Variants in TMPRSS15 observed in about 807,000 individuals in gnomAD.
TMPRSS15 encodes transmembrane serine protease 15.
Under a neutral mutation model 125.3 loss-of-function variants are expected in TMPRSS15, and 128 were observed. The ratio of observed to expected loss-of-function variants is 1.02; its 90% confidence interval spans 0.89 to 1.18. The LOEUF (loss-of-function observed/expected upper bound fraction) is 1.18, where lower values mean the gene tolerates loss of function less well. TMPRSS15 is among the 50% of genes most tolerant of loss of function. The probability of loss-of-function intolerance (pLI) is 0.00; values close to 1 mark genes in which losing one functional copy is unlikely to be tolerated. For missense variants in TMPRSS15, 1,283 were observed against 1,212.7 expected, an observed-to-expected ratio of 1.06 and a Z score of -0.86; for synonymous variants, 446 against 423.2, an observed-to-expected ratio of 1.05 and a Z score of -0.66.
chr21:18,386,872 A>G (rs1456020628), intron 3 of TMPRSS15, among the ~76,000 whole-genome samples: 1 of 152,230 alleles, frequency 6.6e-6, no homozygotes, highest in Admixed American at 6.5e-5. Flanking sequence ...AAAAGAGGTA[A>G]GGTATTTTGG....
intron 21 of TMPRSS15, among the ~76,000 whole-genome samples, chr21:18,290,552 T>TC (rs2074821543): frequency 6.6e-6 from 1 of 151,054 alleles, no homozygotes; most frequent in African/African-American, 2.4e-5. Context: ...TGACCTGTAT[T>TC]CAAAAATATT....
At chr21:18,389,137 G>A (rs193234275) in intron 3 of TMPRSS15, among the ~76,000 whole-genome samples, 2 of 149,404 alleles carry the variant, frequency 1.3e-5, no homozygotes, top group African/African-American at 4.9e-5. Flanking sequence ...AAGATGGAAG[G>A]AAGGAAAGAA....
chr21:18,375,965 T>C (rs2075837636), intron 5 of TMPRSS15, among the ~76,000 whole-genome samples: 1 of 152,136 alleles, frequency 6.6e-6, no homozygotes, highest in East Asian at 1.9e-4. Flanking sequence ...GAAACCATGG[T>C]TTGGAAATCA....
At chr21:18,358,394 A>G (rs1266740213) in intron 8 of TMPRSS15, among the ~76,000 whole-genome samples, 1 of 151,930 alleles carries the variant, frequency 6.6e-6, no homozygotes, top group African/African-American at 2.4e-5. Flanking sequence ...AAGTTTATTA[A>G]TGTCACATTA....
chr21:18,363,689 T>C (rs938567229), intron 7 of TMPRSS15, among the ~76,000 whole-genome samples: 4 of 152,260 alleles, frequency 2.6e-5, no homozygotes, highest in African/African-American at 9.6e-5. Flanking sequence ...CATTTATAAA[T>C]GCTTCTTTTA....
At chr21:18,471,414 T>A (rs1019893432) in intron 1 of TMPRSS15, among the ~76,000 whole-genome samples, 1 of 152,002 alleles carries the variant, frequency 6.6e-6, no homozygotes, top group Non-Finnish European at 1.5e-5. Context: ...ATGGTCTAAA[T>A]CTGTAACTAT....
At chr21:18,361,585 C>T (rs1447473519) in intron 7 of TMPRSS15, among the ~76,000 whole-genome samples, 4 of 152,040 alleles carry the variant, frequency 2.6e-5, no homozygotes, top group Non-Finnish European at 4.4e-5. Flanking sequence ...GTAATGTGGC[C>T]AATAAGGCAA....
intron 7 of TMPRSS15, among the ~76,000 whole-genome samples, chr21:18,361,892 AAC>A (rs1395356555): frequency 6.6e-6 from 1 of 152,064 alleles, no homozygotes; most frequent in African/African-American, 2.4e-5. Flanking sequence ...TTAAAAAAAA[AAC>A]AAACCCAAAG....
chr21:18,353,536 C>T (rs2075593511), intron 9 of TMPRSS15, among the ~76,000 whole-genome samples, 187 bp downstream of exon 9: 1 of 151,490 alleles, frequency 6.6e-6, no homozygotes, highest in South Asian at 2.1e-4. Context: ...TATTTGATTC[C>T]TTTGAAAAAT....
At chr21:18,358,685 TTATGGTAATTTAA>T (rs1160037455) in intron 8 of TMPRSS15, among the ~76,000 whole-genome samples, 3 of 152,002 alleles carry the variant, frequency 2.0e-5, no homozygotes, top group Admixed American at 2.0e-4. Context: ...CACTGTGAAC[TTATGGTAATTTAA>T]TATATTATAC....
intron 15 of TMPRSS15, among the ~76,000 whole-genome samples, chr21:18,326,928 C>G (rs1324322536): frequency 6.6e-6 from 1 of 152,098 alleles, no homozygotes; most frequent in African/African-American, 2.4e-5. Flanking sequence ...TTTATAGTCA[C>G]CTTTACTAAA....
intron 1 of TMPRSS15, among the ~76,000 whole-genome samples, chr21:18,452,852 G>A (rs983892741): frequency 1.1e-4 from 17 of 152,120 alleles, no homozygotes; most frequent in Non-Finnish European, 1.8e-4. Context: ...TTGGACGAAG[G>A]TAAATATCTG....
chr21:18,332,116 T>G lies in TMPRSS15; in HGVS notation c.1622A>C (p.Asn541Thr). The change falls in exon 14 of 25, where the codon AAC becomes ACC. Residue 541 changes from asparagine (N) to threonine (T), a missense_variant. By Grantham distance (65) the Asn-to-Thr change is moderately conservative. Transcript: ENST00000284885. ...CAGATTAGGGTAGCTGTTTGGAAAG[T>G]TCGTAGAACTGAATGTTGTATTTGG... ...WEPNTTFSST[N>T]FPNSYPNLAF... 1 of 1,614,076 alleles carries G rather than the reference T, an allele frequency of 6.2e-7. No homozygotes were observed. The highest frequency in any genetic ancestry group is 8.5e-7 in the Non-Finnish European group (1 of 1,179,962).
intron 1 of TMPRSS15, among the ~76,000 whole-genome samples, chr21:18,401,734 A>G (rs1190317837): frequency 3.3e-5 from 5 of 152,212 alleles, no homozygotes; most frequent in Non-Finnish European, 7.3e-5. Context: ...ATCTAAAATA[A>G]TAGTTTAAAA....
intron 3 of TMPRSS15, among the ~76,000 whole-genome samples, chr21:18,389,228 G>A (rs2075971291): frequency 6.6e-6 from 1 of 151,302 alleles, no homozygotes; most frequent in Non-Finnish European, 1.5e-5. Context: ...AAAGGAGGGA[G>A]GGAGGCAGGG....
chr21:18,393,622 C>T (rs989725515), intron 3 of TMPRSS15, among the ~76,000 whole-genome samples: 3 of 152,102 alleles, frequency 2.0e-5, no homozygotes, highest in African/African-American at 7.2e-5. Context: ...TATATACAAC[C>T]TGACATGTAA....
chr21:18,343,649 T>C lies in TMPRSS15; in HGVS notation c.1285A>G (p.Met429Val), dbSNP rs2075474243. 1.9e-6 allele frequency: 3 copies of C among 1,613,434 alleles called. No homozygotes were observed. Among genetic ancestry groups the C allele is most frequent in the South Asian group, 1.1e-5 (1 of 91,064 alleles). ...EPACLSFWYHMYGENVHKLSI... is the reference protein window; with the variant it reads ...EPACLSFWYHVYGENVHKLSI... ...AATTTATGGACATTTTCACCATACA[T>C]ATGATACCTAGTTTGGAAAGAAGCA... The change falls in exon 12 of 25, where the codon ATG becomes GTG. Residue 429 changes from methionine to valine, a missense_variant. By Grantham distance (21) the Met-to-Val change is conservative. Coordinates refer to ENST00000284885, the MANE Select transcript of TMPRSS15 (RefSeq NM_002772.3).
At chr21:18,381,796 A>G (rs928053018) in intron 4 of TMPRSS15, among the ~76,000 whole-genome samples, 1 of 152,058 alleles carries the variant, frequency 6.6e-6, no homozygotes, top group Non-Finnish European at 1.5e-5. Context: ...TCAAATAGAG[A>G]TAGTAAGATG....
intron 24 of TMPRSS15, among the ~76,000 whole-genome samples, chr21:18,274,119 T>C (rs548905581): frequency 1.3e-5 from 2 of 152,322 alleles, no homozygotes; most frequent in African/African-American, 2.4e-5. Flanking sequence ...CATTAAAGCA[T>C]TGATATGTTA....
Sources: allele counts gnomAD v4.1 joint callset (sites outside exome capture counted in the v4.1 genomes callset), GRCh38; gene constraint gnomAD v4.1.1; transcripts MANE v1.5; gene names NCBI Gene and HGNC (gene_info 2026-07-23, HGNC 2026-07-21).